PRKN: variants seen among roughly 807,000 people sequenced by gnomAD.
PRKN encodes the protein E3 ubiquitin-protein ligase parkin.
Under a neutral mutation model 59.5 loss-of-function variants are expected in PRKN, and 56 were observed. The observed-to-expected ratio is 0.94, with a 90% CI of 0.76 to 1.18. PRKN has a LOEUF of 1.18. Among genes scored for constraint, PRKN ranks in the 50% most tolerant of loss-of-function variants. PRKN has a pLI of 0.00. For synonymous variants in PRKN, 250 were observed against 222.1 expected (o/e 1.13, Z -1.12); for missense variants, 657 against 596.4 (o/e 1.10, Z -1.06).
At chr6:162,633,366 C>T (rs1415330701) in intron 1 of PRKN, among the ~76,000 whole-genome samples, 13 of 124,916 alleles carry the variant, frequency 1.0e-4, no homozygotes, top group South Asian at 5.5e-4. Flanking sequence ...ATCCAGGAGG[C>T]GGAGGTTGCA....
At chr6:162,666,240 G>T (rs540143147) in intron 1 of PRKN, among the ~76,000 whole-genome samples, 7 of 152,012 alleles carry the variant, frequency 4.6e-5, no homozygotes, top group Non-Finnish European at 1.0e-4. Flanking sequence ...GTTAGAATGC[G>T]GCATGCTTTA....
At chr6:161,867,967 G>A (rs1794191487) in intron 6 of PRKN, among the ~76,000 whole-genome samples, 1 of 151,600 alleles carries the variant, frequency 6.6e-6, no homozygotes, top group East Asian at 2.0e-4. Context: ...CTCCATGTTG[G>A]CCATTCTGGT....
rs1236430064 is a variant in PRKN at position 161,355,497 on chromosome 6, G to A, written c.1285+4591C>T. ...GCTCACTGCAACCTCCACCTCCTGG[G>A]TTCAACCAATTCTTGTGTCTCGGCC... On this transcript the variant is annotated intron_variant, in intron 11 of 11. Coordinates refer to ENST00000366898, the MANE Select transcript of PRKN (RefSeq NM_004562.3). This position sits in a 1 kb window ranked among gnomAD's most constrained non-coding sequence, Gnocchi z 6.8. Among the ~76,000 whole-genome samples, 2 of 152,180 alleles carry A rather than the reference G, an allele frequency of 1.3e-5. No individual in the cohort carries two copies. Among genetic ancestry groups the A allele is most frequent in the Non-Finnish European group, 2.9e-5 (2 of 68,040 alleles).
At chr6:161,571,618 C>T (rs553134864) in intron 7 of PRKN, among the ~76,000 whole-genome samples, 1 of 152,300 alleles carries the variant, frequency 6.6e-6, no homozygotes, top group African/African-American at 2.4e-5. Context: ...TCAACACATG[C>T]TAAATGAATA....
intron 9 of PRKN, among the ~76,000 whole-genome samples, chr6:161,478,756 C>T (rs1322638130): frequency 2.6e-5 from 4 of 152,136 alleles, no homozygotes; most frequent in Non-Finnish European, 4.4e-5. Flanking sequence ...TGAGGTGGGA[C>T]GATCACGTGA....
chr6:162,723,676 T>C (rs917801978), intron 1 of PRKN, among the ~76,000 whole-genome samples: 2 of 152,218 alleles, frequency 1.3e-5, no homozygotes, highest in Admixed American at 1.3e-4. Context: ...ATGTAAAATC[T>C]ACAAACTCTT....
chr6:162,190,526 C>T (rs1218569849), intron 4 of PRKN, among the ~76,000 whole-genome samples: 2 of 152,170 alleles, frequency 1.3e-5, no homozygotes, highest in Non-Finnish European at 2.9e-5. Flanking sequence ...TCTTTCTCGC[C>T]GGGTGACCCA....
intron 2 of PRKN, among the ~76,000 whole-genome samples, chr6:162,266,952 A>G (rs555770186): frequency 6.6e-6 from 1 of 152,302 alleles, no homozygotes; most frequent in East Asian, 1.9e-4. Flanking sequence ...TCTCTCTGGT[A>G]GCATTCCAAC....
At chr6:162,579,699 A>C (rs1780709843) in intron 1 of PRKN, among the ~76,000 whole-genome samples, 1 of 148,904 alleles carries the variant, frequency 6.7e-6, no homozygotes, top group Non-Finnish European at 1.5e-5. Flanking sequence ...ATACATAAAC[A>C]CACAAATTTC....
chr6:161,803,713 T>C (rs1791189920), intron 6 of PRKN, among the ~76,000 whole-genome samples: 2 of 152,198 alleles, frequency 1.3e-5, no homozygotes, highest in African/African-American at 4.8e-5. Flanking sequence ...GTTACCGATT[T>C]ATTAGATGTG....
chr6:162,717,670 C>CAACAACAG, intron 1 of PRKN, among the ~76,000 whole-genome samples: 1 of 151,734 alleles, frequency 6.6e-6, no homozygotes, highest in African/African-American at 2.4e-5. Context: ...TTCGTTACAG[C>CAACAACAG]AACAACAGGA....
chr6:162,015,020 G>A (rs1562461587), intron 5 of PRKN, among the ~76,000 whole-genome samples: 2 of 152,094 alleles, frequency 1.3e-5, no homozygotes, highest in African/African-American at 4.8e-5. Flanking sequence ...TCACGTTGTA[G>A]AAAACATGAA....
In PRKN at chr6:161,538,714, T is replaced by C. The variant is rs1048000981; in HGVS notation, c.1083+10140A>G. ...TGATTTCTACATCTGTTGCAGATCC[T>C]TGGAGACCAGTGCCCATGGGACTGG... On this transcript the variant is annotated intron_variant, in intron 9 of 11. Transcript: ENST00000366898. The surrounding 1 kb of genome is among the most constrained non-coding windows in gnomAD (Gnocchi z 4.2). Among the ~76,000 whole-genome samples, 4 of 152,194 alleles carry C rather than the reference T, an allele frequency of 2.6e-5. No individual in the cohort carries two copies. Among genetic ancestry groups the C allele is most frequent in the Non-Finnish European group, 4.4e-5 (3 of 68,034 alleles).
chr6:162,667,699 G>A (rs539136402), intron 1 of PRKN, among the ~76,000 whole-genome samples: 72 of 151,956 alleles, frequency 4.7e-4, no homozygotes, highest in African/African-American at 1.7e-3. Context: ...GCATACACAG[G>A]GCATAGTAAA....
In PRKN at chr6:161,360,209, G is replaced by A; in HGVS notation, c.1168-4C>T. 1 of 1,606,464 alleles carries A rather than the reference G, an allele frequency of 6.2e-7. No homozygotes were observed. Among genetic ancestry groups the A allele is most frequent in the Admixed American group, 1.7e-5 (1 of 60,014 alleles). ...CTCTTTCATCGACTCTGTAGGCCTG[G>A]GGAAACAAAGAGGAAAGGCGTTTAA... On this transcript the variant is annotated splice_region_variant and splice_polypyrimidine_tract_variant and intron_variant, in intron 10 of 11. Transcript: ENST00000366898. This position sits in a 1 kb window ranked among gnomAD's most constrained non-coding sequence, Gnocchi z 5.1.
At chr6:162,430,187 A>ATGT (rs986238451) in intron 2 of PRKN, among the ~76,000 whole-genome samples, 2 of 151,956 alleles carry the variant, frequency 1.3e-5, no homozygotes, top group African/African-American at 4.8e-5. Flanking sequence ...GATGATGATG[A>ATGT]TGTTAAAATC....
At chr6:161,942,682 T>G (rs183019772) in intron 6 of PRKN, among the ~76,000 whole-genome samples, 13 of 152,288 alleles carry the variant, frequency 8.5e-5, no homozygotes, top group Non-Finnish European at 1.6e-4. Flanking sequence ...TCAAGAGATT[T>G]GACCAAGAAA....
At chr6:162,410,617 G>A (rs1396212639) in intron 2 of PRKN, among the ~76,000 whole-genome samples, 1 of 152,194 alleles carries the variant, frequency 6.6e-6, no homozygotes, top group African/African-American at 2.4e-5. Flanking sequence ...GAGGAAAGGA[G>A]AGCAGAGGTG....
intron 2 of PRKN, among the ~76,000 whole-genome samples, chr6:162,281,824 C>T (rs1173264552): frequency 1.3e-5 from 2 of 152,118 alleles, no homozygotes; most frequent in Admixed American, 6.5e-5. Context: ...AGTCCTGAAT[C>T]TTTTTGGCAC....
Sources: gnomAD v4.1 joint callset for allele counts (sites outside exome capture counted in the v4.1 genomes callset) on GRCh38, gnomAD v4.1.1 for gene constraint, Gnocchi (gnomAD v3.1) non-coding constraint, MANE v1.5 for transcripts, NCBI Gene and HGNC (gene_info 2026-07-23, HGNC 2026-07-21) for gene names.